The following SEMA3A variants were observed in gnomAD, a reference collection of about 807,000 sequenced individuals.
SEMA3A encodes semaphorin 3A.
In SEMA3A, 29 loss-of-function variants were observed where a neutral mutation model predicts 97.9. The observed-to-expected ratio is 0.30, with a 90% CI of 0.22 to 0.40. The LOEUF (loss-of-function observed/expected upper bound fraction) is 0.40. Ranked by LOEUF, SEMA3A falls within the 10% of genes least tolerant of loss-of-function variation. SEMA3A has a pLI of 1.00. For synonymous variants in SEMA3A, 321 were observed against 323.7 expected, an observed-to-expected ratio of 0.99 and a Z score of 0.09; for missense variants, 763 against 951.3, an observed-to-expected ratio of 0.80 and a Z score of 2.60.
At chr7:84,083,253 G>A (rs1794220807) in intron 4 of SEMA3A, among the ~76,000 whole-genome samples, 1 of 151,780 alleles carries the variant, frequency 6.6e-6, no homozygotes, top group Non-Finnish European at 1.5e-5. Flanking sequence ...ACTATATACT[G>A]TTATTATATC....
intron 7 of SEMA3A, among the ~76,000 whole-genome samples, chr7:84,013,614 C>G (rs3779437): frequency 0.56 from 85,229 of 151,984 alleles, 25,305 homozygotes; most frequent in African/African-American, 0.75. Flanking sequence ...CCAGCCCTTT[C>G]GGGGGCCAAA....
At chr7:84,232,197 G>T (rs1799131176) in intron 3 of SEMA3A, among the ~76,000 whole-genome samples, 1 of 149,186 alleles carries the variant, frequency 6.7e-6, no homozygotes, top group South Asian at 2.1e-4. Context: ...TGAGAAAGAG[G>T]TTCACTAAAT....
chr7:84,123,133 G>A (rs1366556339), intron 3 of SEMA3A, among the ~76,000 whole-genome samples: 1 of 152,130 alleles, frequency 6.6e-6, no homozygotes, highest in South Asian at 2.1e-4. Context: ...GAGAGCTATT[G>A]ATTCAAAACA....
chr7:84,469,218 T>G (rs527444361), intron 1 of SEMA3A, among the ~76,000 whole-genome samples: 2 of 152,208 alleles, frequency 1.3e-5, no homozygotes, highest in African/African-American at 4.8e-5. Flanking sequence ...TATTACTTCC[T>G]GTCTTTGGGA....
At chr7:84,411,182 T>C (rs1306126866) in intron 1 of SEMA3A, among the ~76,000 whole-genome samples, 1 of 152,104 alleles carries the variant, frequency 6.6e-6, no homozygotes, top group East Asian at 1.9e-4. Context: ...TCCCACCCTG[T>C]AATACTTGAT....
At chr7:84,082,214 C>T (rs538713517) in intron 4 of SEMA3A, among the ~76,000 whole-genome samples, 1 of 152,212 alleles carries the variant, frequency 6.6e-6, no homozygotes, top group East Asian at 1.9e-4. Flanking sequence ...TCCTTGAGTA[C>T]ACAGAAGCAA....
intron 1 of SEMA3A, among the ~76,000 whole-genome samples, chr7:84,138,028 T>C (rs546265789): frequency 6.9e-6 from 1 of 144,282 alleles, no homozygotes; most frequent in East Asian, 2.4e-4. Context: ...AGAGTTAATG[T>C]ATCTTTTAAG....
At chr7:84,441,315 A>G (rs924356114) in intron 1 of SEMA3A, among the ~76,000 whole-genome samples, 2 of 151,988 alleles carry the variant, frequency 1.3e-5, no homozygotes, top group African/African-American at 4.8e-5. Context: ...GAAATGATGT[A>G]TGAGCAAAAT....
chr7:84,241,787 C>T (rs926251818), intron 3 of SEMA3A, among the ~76,000 whole-genome samples: 2 of 152,090 alleles, frequency 1.3e-5, no homozygotes, highest in Non-Finnish European at 2.9e-5. Context: ...TTTAATCCAT[C>T]TTGAGTTAAT....
intron 2 of SEMA3A, among the ~76,000 whole-genome samples, chr7:84,368,909 T>A (rs1019530684): frequency 6.6e-6 from 1 of 151,074 alleles, no homozygotes; most frequent in African/African-American, 2.4e-5. Flanking sequence ...TACATTTGTG[T>A]ATGCATAAGT....
intron 6 of SEMA3A, among the ~76,000 whole-genome samples, chr7:84,043,408 A>C (rs181364263): frequency 6.6e-6 from 1 of 152,220 alleles, no homozygotes; most frequent in African/African-American, 2.4e-5. Flanking sequence ...CCAGGAACAA[A>C]AATTAAAAGT....
intron 1 of SEMA3A, among the ~76,000 whole-genome samples, chr7:84,191,688 A>G (rs17158724): frequency 0.022 from 3,306 of 151,950 alleles, 146 homozygotes; most frequent in African/African-American, 0.076. Context: ...ATATATTTAA[A>G]GAAGACAAAA....
At chr7:84,417,866 G>A (rs1804476178) in intron 1 of SEMA3A, among the ~76,000 whole-genome samples, 1 of 152,076 alleles carries the variant, frequency 6.6e-6, no homozygotes, top group African/African-American at 2.4e-5. Context: ...AAAGCTGAAT[G>A]TATGTATTTA....
intron 1 of SEMA3A, among the ~76,000 whole-genome samples, chr7:84,160,621 G>A (rs1797001035): frequency 6.6e-6 from 1 of 151,970 alleles, no homozygotes; most frequent in African/African-American, 2.4e-5. Context: ...GCTCATGCCT[G>A]TAATCCCAGC....
chr7:84,191,724 G>A (rs1798043230), intron 1 of SEMA3A, among the ~76,000 whole-genome samples: 1 of 151,634 alleles, frequency 6.6e-6, no homozygotes, highest in Non-Finnish European at 1.5e-5. Context: ...TGTTTCTTAA[G>A]GATAATTTCT....
intron 6 of SEMA3A, among the ~76,000 whole-genome samples, chr7:84,045,139 T>C (rs1792299708): frequency 6.6e-6 from 1 of 151,996 alleles, no homozygotes; most frequent in Non-Finnish European, 1.5e-5. Flanking sequence ...CCTGTGATTT[T>C]TCTCTAATAA....
chr7:84,291,546 A>C (rs1035915779), intron 3 of SEMA3A, among the ~76,000 whole-genome samples: 1 of 152,098 alleles, frequency 6.6e-6, no homozygotes. Flanking sequence ...TCTTCCATTA[A>C]AAAATAATTT....
intron 3 of SEMA3A, among the ~76,000 whole-genome samples, chr7:84,263,978 T>C (rs1799925348): frequency 1.3e-5 from 2 of 152,214 alleles, no homozygotes; most frequent in African/African-American, 4.8e-5. Context: ...AAATATAACA[T>C]ATACTAACTT....
At chr7:84,090,991 C>G (rs888939416) in intron 4 of SEMA3A, among the ~76,000 whole-genome samples, 42 of 150,616 alleles carry the variant, frequency 2.8e-4, no homozygotes, top group African/African-American at 1.0e-3. Context: ...CACTTGAACC[C>G]GGGAGACAGA....
Sources: gnomAD v4.1 joint callset for allele counts (sites outside exome capture counted in the v4.1 genomes callset) on GRCh38, gnomAD v4.1.1 for gene constraint, MANE v1.5 for transcripts, NCBI Gene and HGNC (gene_info 2026-07-23, HGNC 2026-07-21) for gene names.